The following ANKS1B variants were observed in gnomAD, a reference collection of about 807,000 sequenced individuals.
ANKS1B encodes the protein ankyrin repeat and sterile alpha motif domain containing 1B.
ANKS1B carries 36 observed loss-of-function variants against 148.3 expected under a neutral mutation model. That is an observed-to-expected ratio of 0.24 (90% confidence interval 0.19 to 0.32). The LOEUF (loss-of-function observed/expected upper bound fraction) is 0.32, where lower values mean the gene tolerates loss of function less well. Ranked by LOEUF, ANKS1B falls within the 10% of genes least tolerant of loss-of-function variation. The probability of loss-of-function intolerance (pLI) is 1.00; values close to 1 mark genes in which losing one functional copy is unlikely to be tolerated. For missense variants in ANKS1B, 1,157 were observed against 1,542.6 expected (o/e 0.75, Z 4.19); for synonymous variants, 542 against 560.8 (o/e 0.97, Z 0.47).
intron 9 of ANKS1B, among the ~76,000 whole-genome samples, chr12:99,632,050 G>A (rs954834332): frequency 6.6e-5 from 10 of 152,272 alleles, no homozygotes; most frequent in Middle Eastern, 3.4e-3. Flanking sequence ...AGAGTAGAGT[G>A]GTTTCACGGG....
At chr12:98,861,915 T>C (rs2099600901) in intron 17 of ANKS1B, among the ~76,000 whole-genome samples, 1 of 152,218 alleles carries the variant, frequency 6.6e-6, no homozygotes, top group South Asian at 2.1e-4. Context: ...TGATCCAAAG[T>C]AACACTGCCA....
intron 1 of ANKS1B, among the ~76,000 whole-genome samples, chr12:99,955,993 G>A (rs1240535088): frequency 1.3e-5 from 2 of 152,252 alleles, no homozygotes; most frequent in Non-Finnish European, 2.9e-5. Context: ...CATGGGATGA[G>A]GCTGGGTGCC....
intron 9 of ANKS1B, among the ~76,000 whole-genome samples, chr12:99,561,904 A>T (rs1474163758): frequency 6.6e-6 from 1 of 152,194 alleles, no homozygotes; most frequent in African/African-American, 2.4e-5. Flanking sequence ...GAAGGTTTTC[A>T]ATTTACCTTT....
intron 12 of ANKS1B, among the ~76,000 whole-genome samples, chr12:99,384,406 T>A (rs1402305447): frequency 6.6e-6 from 1 of 152,184 alleles, no homozygotes; most frequent in Non-Finnish European, 1.5e-5. Flanking sequence ...TGAGGACAAC[T>A]AATGTGTACT....
At chr12:99,643,142 T>C (rs1325440613) in intron 9 of ANKS1B, among the ~76,000 whole-genome samples, 1 of 152,168 alleles carries the variant, frequency 6.6e-6, no homozygotes, top group Non-Finnish European at 1.5e-5. Flanking sequence ...TCACAGTACA[T>C]CCTCTGGACA....
At chr12:99,833,061 A>C (rs2084286582) in intron 1 of ANKS1B, among the ~76,000 whole-genome samples, 2 of 152,230 alleles carry the variant, frequency 1.3e-5, no homozygotes, top group Non-Finnish European at 2.9e-5. Flanking sequence ...TAGATGAAAA[A>C]TATTTGCAAT....
intron 17 of ANKS1B, among the ~76,000 whole-genome samples, chr12:98,901,603 G>C (rs1465456158): frequency 6.6e-6 from 1 of 152,228 alleles, no homozygotes; most frequent in Non-Finnish European, 1.5e-5. Flanking sequence ...AATATGTAGA[G>C]AGCAGGGTTT....
chr12:98,759,445 C>T (rs2098345762), intron 25 of ANKS1B, among the ~76,000 whole-genome samples: 1 of 152,114 alleles, frequency 6.6e-6, no homozygotes, highest in Admixed American at 6.5e-5. Context: ...AGAGATCTTC[C>T]TCGCTGTCCT....
intron 8 of ANKS1B, among the ~76,000 whole-genome samples, chr12:99,715,151 T>A (rs1373593844): frequency 1.3e-5 from 2 of 151,566 alleles, no homozygotes; most frequent in African/African-American, 4.9e-5. Flanking sequence ...AATAAATAAA[T>A]AAATAAAAAG....
At chr12:99,305,554 A>G (rs913156967) in intron 12 of ANKS1B, among the ~76,000 whole-genome samples, 1 of 152,142 alleles carries the variant, frequency 6.6e-6, no homozygotes, top group South Asian at 2.1e-4. Context: ...GAAAAACTCA[A>G]TATTTCTAGA....
intron 22 of ANKS1B, among the ~76,000 whole-genome samples, chr12:98,793,582 C>T (rs1230658049): frequency 1.3e-5 from 2 of 152,212 alleles, no homozygotes; most frequent in South Asian, 2.1e-4. Flanking sequence ...GCAAGCTATA[C>T]ATCTGACAAG....
chr12:99,514,136 G>T (rs939766257), intron 9 of ANKS1B, among the ~76,000 whole-genome samples: 2 of 151,988 alleles, frequency 1.3e-5, no homozygotes, highest in African/African-American at 4.8e-5. Context: ...TAGTTGATAA[G>T]ATAAATGGGA....
intron 1 of ANKS1B, among the ~76,000 whole-genome samples, chr12:99,894,115 A>G (rs1479798689): frequency 2.0e-5 from 3 of 151,898 alleles, no homozygotes; most frequent in African/African-American, 4.8e-5. Context: ...AGTAAAGTAA[A>G]AAGATTTTTA....
At chr12:99,012,970 G>A (rs1017784849) in intron 17 of ANKS1B, among the ~76,000 whole-genome samples, 9 of 152,104 alleles carry the variant, frequency 5.9e-5, no homozygotes, top group Non-Finnish European at 1.2e-4. Context: ...TTGTTTAGAC[G>A]GACTTAAAGC....
chr12:98,983,144 G>C (rs1028258901), intron 17 of ANKS1B, among the ~76,000 whole-genome samples: 3 of 152,174 alleles, frequency 2.0e-5, no homozygotes, highest in African/African-American at 7.2e-5. Context: ...GCCTGGATGG[G>C]TTCTCTACTT....
intron 14 of ANKS1B, among the ~76,000 whole-genome samples, chr12:99,195,611 A>C (rs1393652500): frequency 2.0e-5 from 3 of 152,162 alleles, no homozygotes; most frequent in African/African-American, 7.2e-5. Context: ...GAAATAGCAA[A>C]AGCTTGTAGG....
chr12:99,835,483 T>C (rs921543414), intron 1 of ANKS1B, among the ~76,000 whole-genome samples: 1 of 152,126 alleles, frequency 6.6e-6, no homozygotes, highest in Non-Finnish European at 1.5e-5. Context: ...AATTTAAATT[T>C]TCTAGTAGCC....
chr12:99,332,874 T>C (rs1209870199), intron 12 of ANKS1B, among the ~76,000 whole-genome samples: 2 of 151,060 alleles, frequency 1.3e-5, no homozygotes, highest in African/African-American at 2.4e-5. Flanking sequence ...GGATGATAGG[T>C]TTTGAGGAGG....
intron 17 of ANKS1B, among the ~76,000 whole-genome samples, chr12:98,975,245 CTTCT>C (rs201418558): frequency 0.01 from 1,330 of 128,698 alleles, 12 homozygotes; most frequent in Non-Finnish European, 0.016. Flanking sequence ...TCCTTCCTTC[CTTCT>C]TTCTTTCCTT....
Sources: gnomAD v4.1 joint callset for allele counts (sites outside exome capture counted in the v4.1 genomes callset) on GRCh38, gnomAD v4.1.1 for gene constraint, MANE v1.5 for transcripts, NCBI Gene and HGNC (gene_info 2026-07-23, HGNC 2026-07-21) for gene names.